Variants in FOXP2 observed in about 807,000 individuals in gnomAD.
FOXP2 encodes the protein forkhead box protein P2.
In FOXP2, 12 loss-of-function variants were observed where a neutral mutation model predicts 115.8. That is an observed-to-expected ratio of 0.10 (90% CI 0.07 to 0.17). The LOEUF (loss-of-function observed/expected upper bound fraction) is 0.17, where lower values mean the gene tolerates loss of function less well. Among genes scored for constraint, FOXP2 ranks in the 10% least tolerant of loss-of-function variants. The pLI, the probability that FOXP2 is intolerant of heterozygous loss-of-function variation, is 1.00. For missense variants in FOXP2, 629 were observed against 843.5 expected, an observed-to-expected ratio of 0.75 and a Z score of 3.15; for synonymous variants, 328 against 297.7, an observed-to-expected ratio of 1.10 and a Z score of -1.05.
At chr7:114,373,852 G>C (rs1792074584) in intron 2 of FOXP2, among the ~76,000 whole-genome samples, 1 of 152,204 alleles carries the variant, frequency 6.6e-6, no homozygotes, top group African/African-American at 2.4e-5. Context: ...GTTTAGAGAA[G>C]TTTAAGTAGC....
At chr7:114,354,571 C>G (rs551416141) in intron 2 of FOXP2, among the ~76,000 whole-genome samples, 1 of 152,016 alleles carries the variant, frequency 6.6e-6, no homozygotes, top group Non-Finnish European at 1.5e-5. Context: ...TCAAGGGGAA[C>G]AGATAAGCTT....
chr7:114,095,627 C>T (rs1799631171), intron 1 of FOXP2, among the ~76,000 whole-genome samples: 1 of 152,102 alleles, frequency 6.6e-6, no homozygotes, highest in Non-Finnish European at 1.5e-5. Context: ...ATCCACCTGG[C>T]ATTCTTTTCC....
intron 1 of FOXP2, among the ~76,000 whole-genome samples, chr7:114,286,274 A>G (rs552113902): frequency 6.6e-6 from 1 of 152,078 alleles, no homozygotes; most frequent in South Asian, 2.1e-4. Flanking sequence ...GCTTTTTAGT[A>G]CATGTTAATA....
chr7:114,511,115 A>G (rs779386480), intron 2 of FOXP2, among the ~76,000 whole-genome samples: 11 of 152,150 alleles, frequency 7.2e-5, no homozygotes, highest in Non-Finnish European at 1.3e-4. Context: ...ACAGAAAATC[A>G]AGCACTGCAT....
chr7:114,211,928 C>A (rs918625450), intron 1 of FOXP2, among the ~76,000 whole-genome samples: 2 of 151,964 alleles, frequency 1.3e-5, no homozygotes, highest in Non-Finnish European at 2.9e-5. Context: ...CAAAAATTAG[C>A]TGGACGTAGT....
intron 2 of FOXP2, among the ~76,000 whole-genome samples, chr7:114,394,505 A>G (rs1186079860): frequency 1.3e-5 from 2 of 152,096 alleles, no homozygotes; most frequent in African/African-American, 4.8e-5. Flanking sequence ...ATAACTCCCA[A>G]CAAAATGTTT....
In FOXP2 at chr7:114,499,046, C is replaced by T. The variant is rs1265552508; in HGVS notation, c.169-35571C>T. Reference sequence around the variant, plus strand: ...CACATTCTCAGGCCACTCCCTAGACCTACTGAATCAGAAACCCTGGGGTTG... The same window carrying T: ...CACATTCTCAGGCCACTCCCTAGACTTACTGAATCAGAAACCCTGGGGTTG... On this transcript the variant is annotated intron_variant, in intron 2 of 16. Coordinates refer to ENST00000350908, the MANE Select transcript of FOXP2 (RefSeq NM_014491.4). The T allele has an allele frequency of 6.5e-6, 4 of 619,460 alleles. No homozygotes were observed. In the South Asian group the frequency reaches 7.8e-5, roughly 12 times the overall value. 38.4% of individuals were successfully genotyped at this position (619,460 alleles called of 1,614,324 possible).
intron 3 of FOXP2, among the ~76,000 whole-genome samples, chr7:114,545,486 T>A (rs898302356): frequency 6.6e-6 from 1 of 152,182 alleles, no homozygotes; most frequent in African/African-American, 2.4e-5. Context: ...CTCATTCCCT[T>A]CTTATCTTTA....
chr7:114,311,894 G>T (rs575508169), intron 2 of FOXP2, among the ~76,000 whole-genome samples: 1 of 152,156 alleles, frequency 6.6e-6, no homozygotes, highest in South Asian at 2.1e-4. Flanking sequence ...AACCTCTTTT[G>T]TTTTTGCCCC....
chr7:114,322,107 A>G (rs1797438342), intron 2 of FOXP2, among the ~76,000 whole-genome samples: 1 of 150,564 alleles, frequency 6.6e-6, no homozygotes, highest in Non-Finnish European at 1.5e-5. Context: ...ACTATAGCCT[A>G]GACCTCCTGG....
chr7:114,350,829 G>A (rs534374509), intron 2 of FOXP2, among the ~76,000 whole-genome samples: 1 of 151,930 alleles, frequency 6.6e-6, no homozygotes, highest in Admixed American at 6.6e-5. Context: ...GTATCCATGG[G>A]GGCTTAGTTC....
At chr7:114,660,557 G>A (rs532332184) in intron 13 of FOXP2, among the ~76,000 whole-genome samples, 12 of 152,248 alleles carry the variant, frequency 7.9e-5, no homozygotes, top group Admixed American at 2.6e-4. Context: ...ACAGATATAT[G>A]GGTGTGAGAC....
Position 114,164,390 on chromosome 7 carries a change from G to C in FOXP2, c.-102+1302G>C, listed in dbSNP as rs896089278. Among the ~76,000 whole-genome samples the C allele has an allele frequency of 4.6e-5, 7 of 151,134 alleles. No homozygotes were observed. The East Asian group carries it at 1.4e-3, about 29-fold the overall frequency. On this transcript the variant is annotated intron_variant, in intron 1 of 17. Coordinates refer to the FOXP2 transcript ENST00000634411. ...AGATGGAGTCTCACTCTGTCACCAG[G>C]CTGGAGTACAGTGGTGCGATCTCGG...
rs1364507020 is a variant in FOXP2, at chr7:114,689,873, T to C, written c.2095T>C (p.Leu699=). The C allele has an allele frequency of 6.2e-7, 1 of 1,613,514 alleles. No homozygotes were observed. The highest frequency in any genetic ancestry group is 2.2e-5 in the East Asian group (1 of 44,832). ...LVTTANHSPE[L]EDDREIEEEP... ...GACAACAGCTAATCACAGTCCAGAA[T>C]TAGAAGACGACAGAGAGATTGAAGA... is the stretch of plus-strand genomic sequence containing the variant. Residue 699 remains leucine (L), a synonymous_variant, in exon 17 of 17, where the codon TTA becomes CTA. Coordinates refer to ENST00000350908, the MANE Select transcript of FOXP2 (RefSeq NM_014491.4).
intron 3 of FOXP2, among the ~76,000 whole-genome samples, chr7:114,600,231 G>C (rs12538986): frequency 0.74 from 111,766 of 152,046 alleles, 44,353 homozygotes; most frequent in Non-Finnish European, 0.88. Flanking sequence ...TATTGCAATA[G>C]TTTTGCCTTT....
At chr7:114,604,439 T>G (rs1472244800) in intron 3 of FOXP2, among the ~76,000 whole-genome samples, 1 of 152,214 alleles carries the variant, frequency 6.6e-6, no homozygotes, top group Non-Finnish European at 1.5e-5. Flanking sequence ...CTCTCATATG[T>G]TATGTCAATC....
intron 3 of FOXP2, among the ~76,000 whole-genome samples, chr7:114,610,236 T>C (rs553188427): frequency 1.1e-3 from 172 of 152,368 alleles, no homozygotes; most frequent in African/African-American, 3.9e-3. Context: ...ATTATTTAGC[T>C]ACACCATTGC....
intron 2 of FOXP2, chr7:114,498,790 T>C: frequency 1.4e-6 from 1 of 706,484 alleles, no homozygotes; most frequent in Non-Finnish European, 2.6e-6. Context: ...TTGCAAATAA[T>C]TTTTTTGGGG....
chr7:114,626,212 T>C (rs953300976), intron 3 of FOXP2, among the ~76,000 whole-genome samples: 8 of 151,794 alleles, frequency 5.3e-5, no homozygotes, highest in African/African-American at 1.7e-4. Context: ...AGGACTAGTA[T>C]ACCCTAAAGA....
Sources: gnomAD v4.1 joint callset for allele counts (sites outside exome capture counted in the v4.1 genomes callset) on GRCh38, gnomAD v4.1.1 for gene constraint, MANE v1.5 for transcripts, NCBI Gene and HGNC (gene_info 2026-07-23, HGNC 2026-07-21) for gene names.